APBA1: variants seen among roughly 807,000 people sequenced by gnomAD.
APBA1 encodes amyloid beta precursor protein binding family A member 1, also known as amyloid-beta A4 precursor protein-binding family A member 1.
A neutral mutation model predicts 86.6 loss-of-function variants in APBA1; 55 were observed. The observed-to-expected ratio is 0.64, with a 90% CI of 0.51 to 0.80. The LOEUF (loss-of-function observed/expected upper bound fraction) is 0.80, where lower values mean the gene tolerates loss of function less well. Ranked by LOEUF, APBA1 falls within the 30% of genes least tolerant of loss-of-function variation. The pLI is 0.00. For synonymous variants in APBA1, 511 were observed against 493.9 expected (o/e 1.03, Z -0.46); for missense variants, 1,090 against 1,183.0 (o/e 0.92, Z 1.15).
At chr9:69,654,712 G>A (rs1429271752) in intron 1 of APBA1, among the ~76,000 whole-genome samples, 2 of 152,058 alleles carry the variant, frequency 1.3e-5, no homozygotes, top group Admixed American at 6.6e-5. Flanking sequence ...TACAAGGCCA[G>A]TATTACCTTA....
At chr9:69,476,429 A>T (rs994891585) in intron 2 of APBA1, among the ~76,000 whole-genome samples, 2 of 152,230 alleles carry the variant, frequency 1.3e-5, no homozygotes, top group African/African-American at 4.8e-5. Context: ...GGTTGAAATT[A>T]AAAAATCCTA....
chr9:69,595,898 G>C (rs1822217778), intron 1 of APBA1, among the ~76,000 whole-genome samples: 1 of 152,200 alleles, frequency 6.6e-6, no homozygotes, highest in Non-Finnish European at 1.5e-5. Flanking sequence ...ATGCTTCAGA[G>C]GGGAGGGAAG....
intron 1 of APBA1, among the ~76,000 whole-genome samples, chr9:69,588,972 C>T (rs1036825660): frequency 4.6e-5 from 7 of 151,948 alleles, no homozygotes; most frequent in South Asian, 4.2e-4. Context: ...TGTTTGTTTT[C>T]GAGACAGGGT....
intron 10 of APBA1, 74 bp downstream of exon 10, chr9:69,449,510 A>G: frequency 7.5e-7 from 1 of 1,337,546 alleles, no homozygotes; most frequent in Non-Finnish European, 1.1e-6. Context: ...ATATACATTA[A>G]TGACTGGATG....
chr9:69,633,675 C>T (rs1193766821), intron 1 of APBA1, among the ~76,000 whole-genome samples: 2 of 152,182 alleles, frequency 1.3e-5, no homozygotes, highest in Admixed American at 6.5e-5. Context: ...GAGATATTTG[C>T]TACCATGCCC....
intron 2 of APBA1, among the ~76,000 whole-genome samples, chr9:69,482,628 T>C (rs1031600895): frequency 3.4e-4 from 51 of 151,456 alleles, no homozygotes; most frequent in African/African-American, 1.2e-3. Flanking sequence ...ACTGGGTATA[T>C]ACCCAAAGGA....
intron 1 of APBA1, among the ~76,000 whole-genome samples, chr9:69,657,078 C>T (rs891183347): frequency 1.1e-4 from 16 of 152,108 alleles, no homozygotes; most frequent in African/African-American, 3.4e-4. Flanking sequence ...ATCTCCTGAC[C>T]TCATGATCCA....
At chr9:69,489,251 A>C (rs1045578434) in intron 2 of APBA1, among the ~76,000 whole-genome samples, 8 of 152,106 alleles carry the variant, frequency 5.3e-5, no homozygotes, top group Non-Finnish European at 8.8e-5. Flanking sequence ...ACAGTAACCA[A>C]AACAGCATGG....
intron 2 of APBA1, among the ~76,000 whole-genome samples, chr9:69,500,582 C>T (rs2309481): frequency 0.27 from 41,167 of 151,900 alleles, 5,908 homozygotes; most frequent in East Asian, 0.4. Context: ...GATGAGACAC[C>T]GACAGTGAAT....
Position 69,517,079 on chromosome 9 carries a change from C to T in APBA1, c.132G>A (p.Gln44=). 1 of 1,584,112 alleles carries T rather than the reference C, an allele frequency of 6.3e-7. No individual in the cohort carries two copies. Among genetic ancestry groups the T allele is most frequent in the Non-Finnish European group, 8.5e-7 (1 of 1,170,518 alleles). Residue 44 remains glutamine (Q), a synonymous_variant, in exon 2 of 13, where the codon CAG becomes CAA. Transcript: ENST00000265381. ...VEEEQQQPPQ[Q]QHYVGRHQRG... is the part of the protein sequence containing the mutation. ...GCTGGTGGCGGCCCACATAGTGCTG[C>T]TGCTGCGGCGGCTGCTGCTGTTCCT...
chr9:69,535,719 T>G (rs903257602), intron 1 of APBA1, among the ~76,000 whole-genome samples: 5 of 152,170 alleles, frequency 3.3e-5, no homozygotes, highest in Non-Finnish European at 7.4e-5. Context: ...CTCTGTTCTA[T>G]TTCCTCATCT....
At chr9:69,506,287 G>A (rs1472511619) in intron 2 of APBA1, among the ~76,000 whole-genome samples, 4 of 150,840 alleles carry the variant, frequency 2.7e-5, no homozygotes, top group African/African-American at 9.8e-5. Context: ...TTCCCTTTCT[G>A]AGTCAAAGAA....
At chr9:69,566,116 A>G (rs565664584) in intron 1 of APBA1, among the ~76,000 whole-genome samples, 15 of 152,230 alleles carry the variant, frequency 9.9e-5, no homozygotes, top group South Asian at 2.1e-4. Flanking sequence ...CAGCCAAAAA[A>G]TCTAGAAATC....
chr9:69,631,848 T>C (rs1164279459), intron 1 of APBA1, among the ~76,000 whole-genome samples: 2 of 152,084 alleles, frequency 1.3e-5, no homozygotes, highest in African/African-American at 4.8e-5. Context: ...TAGATGGGAA[T>C]TGAACAATGA....
At chr9:69,662,940 A>T (rs1400133454) in intron 1 of APBA1, among the ~76,000 whole-genome samples, 1 of 152,248 alleles carries the variant, frequency 6.6e-6, no homozygotes, top group Non-Finnish European at 1.5e-5. Flanking sequence ...ACTCAAAAAT[A>T]AAGTTTCTCT....
chr9:69,651,347 GT>G (rs935894183), intron 1 of APBA1, among the ~76,000 whole-genome samples: 1 of 152,108 alleles, frequency 6.6e-6, no homozygotes, highest in African/African-American at 2.4e-5. Context: ...GGTTACACAG[GT>G]TTATACAGAT....
At chr9:69,446,349 C>T (rs1055820860) in intron 10 of APBA1, among the ~76,000 whole-genome samples, 8 of 152,166 alleles carry the variant, frequency 5.3e-5, no homozygotes, top group African/African-American at 1.2e-4. Flanking sequence ...GTGCTCTAAT[C>T]GGGGTCTGCC....
chr9:69,431,456 C>A, intron 12 of APBA1, 58 bp from the exon 13 acceptor site: 3 of 1,493,218 alleles, frequency 2.0e-6, no homozygotes, highest in Non-Finnish European at 1.9e-6. Flanking sequence ...GCTGCGTGGG[C>A]ACTGCCCAGG....
At chr9:69,465,547 G>C (rs1180903021) in intron 5 of APBA1, 1 of 152,232 alleles carries the variant, frequency 6.6e-6, no homozygotes, top group Non-Finnish European at 1.5e-5. Flanking sequence ...ACCTTGGGGA[G>C]GCTTGCTGGC....
Sources: allele counts gnomAD v4.1 joint callset (sites outside exome capture counted in the v4.1 genomes callset), GRCh38; gene constraint gnomAD v4.1.1; transcripts MANE v1.5; gene names NCBI Gene and HGNC (gene_info 2026-07-23, HGNC 2026-07-21).